Variants in CNOT6L observed in about 807,000 individuals in gnomAD.
The protein encoded by CNOT6L is CCR4-NOT transcription complex subunit 6 like.
A neutral mutation model predicts 64.0 loss-of-function variants in CNOT6L; 7 were observed. The observed-to-expected ratio is 0.11, with a 90% CI of 0.06 to 0.21. CNOT6L has a LOEUF of 0.21. Ranked by LOEUF, CNOT6L falls within the 10% of genes least tolerant of loss-of-function variation. CNOT6L has a pLI of 1.00. For missense variants in CNOT6L, 245 were observed against 669.0 expected, an observed-to-expected ratio of 0.37 and a Z score of 6.99; for synonymous variants, 193 against 243.4, an observed-to-expected ratio of 0.79 and a Z score of 1.93.
rs1721048607 is a variant in CNOT6L, at chr4:77,719,213, C to T, written c.*1218G>A. 2.0e-5 allele frequency: 3 copies of T among 152,570 alleles called. No homozygotes were observed. The highest frequency in any genetic ancestry group is 2.0e-4 in the Admixed American group (3 of 15,260). 9.5% of individuals were successfully genotyped at this position (152,570 alleles called of 1,614,324 possible). ...CCCCTCCTAGGCAAAAAAAAGATTC[C>T]AACATACCTAAAGGCATCAACAATT... On this transcript the variant is annotated 3_prime_UTR_variant, in exon 12 of 12. Transcript: ENST00000504123.
chr4:77,744,624 G>T, intron 7 of CNOT6L, 94 bp downstream of exon 7: 2 of 1,045,528 alleles, frequency 1.9e-6, no homozygotes, highest in South Asian at 2.3e-5. Context: ...TTGAGCTTTG[G>T]CTCTAAACAC....
At chr4:77,818,736 CCGAGGCA>C (rs926047286) in intron 1 of CNOT6L, among the ~76,000 whole-genome samples, 13 of 152,186 alleles carry the variant, frequency 8.5e-5, no homozygotes, top group Non-Finnish European at 1.6e-4. Context: ...CTGCCCAGGC[CCGAGGCA>C]GCGCCGTGGG....
At chr4:77,815,911 C>G (rs1733520116) in intron 1 of CNOT6L, among the ~76,000 whole-genome samples, 1 of 152,162 alleles carries the variant, frequency 6.6e-6, no homozygotes, top group African/African-American at 2.4e-5. Context: ...AAGTAAACAT[C>G]TGCACTGGAA....
At chr4:77,768,636 T>C (rs1230113672) in intron 4 of CNOT6L, among the ~76,000 whole-genome samples, 2 of 150,652 alleles carry the variant, frequency 1.3e-5, no homozygotes, top group African/African-American at 2.4e-5. Context: ...AATCATCAAA[T>C]AGAAAATAGG....
At chr4:77,721,732 A>G (rs1174871442) in intron 11 of CNOT6L, among the ~76,000 whole-genome samples, 1 of 152,074 alleles carries the variant, frequency 6.6e-6, no homozygotes. Flanking sequence ...GCCCTTTGGG[A>G]AGTGGGGGCA....
intron 5 of CNOT6L, among the ~76,000 whole-genome samples, chr4:77,753,712 T>G (rs1725123668): frequency 6.6e-6 from 1 of 151,744 alleles, no homozygotes; most frequent in South Asian, 2.1e-4. Context: ...AAATAAAATA[T>G]TAGCAAACTG....
At chr4:77,801,960 C>A (rs1042976848) in intron 1 of CNOT6L, among the ~76,000 whole-genome samples, 2 of 152,138 alleles carry the variant, frequency 1.3e-5, no homozygotes, top group Non-Finnish European at 1.5e-5. Flanking sequence ...ACAATGACTA[C>A]CATGTTGTAA....
Position 77,819,278 on chromosome 4 carries a change from T to C in CNOT6L, c.5+26A>G, listed in dbSNP as rs757971769. 2.9e-5 allele frequency: 46 copies of C among 1,613,404 alleles called. No individual in the cohort carries two copies. In the Middle Eastern group the frequency reaches 6.6e-4, roughly 23 times the overall value. ...CTCCTCTTCCCAACACTCTCGGTCCTACTCGGAGGCAAAAGAACACTCTAC... is the reference window on the plus strand; with the variant it reads ...CTCCTCTTCCCAACACTCTCGGTCCCACTCGGAGGCAAAAGAACACTCTAC... On this transcript the variant is annotated intron_variant, in intron 1 of 11. Coordinates refer to ENST00000504123, the MANE Select transcript of CNOT6L (RefSeq NM_144571.3).
At position 77,819,074 on chromosome 4, in the gene CNOT6L, A is replaced by C. The variant is rs775900249; in HGVS notation, c.5+230T>G. 2.7e-4 allele frequency: 197 copies of C among 720,442 alleles called. 1 individual carries two copies. Among genetic ancestry groups the C allele is most frequent in the South Asian group, 1.7e-3 (113 of 64,590 alleles). 44.6% of individuals were successfully genotyped at this position (720,442 alleles called of 1,614,324 possible). A position where few individuals can be genotyped will look rare whatever the true frequency, so the allele number is the denominator to read the frequency against. On this transcript the variant is annotated intron_variant, in intron 1 of 11. Coordinates refer to ENST00000504123, the MANE Select transcript of CNOT6L (RefSeq NM_144571.3). The stretch of plus-strand genomic sequence containing the variant: ...GACACACACACACACACACACACAC[A>C]CCCCGGAACCTTCGCCCGCCTCTGA...
chr4:77,791,271 G>A (rs951866467), intron 1 of CNOT6L, among the ~76,000 whole-genome samples: 1 of 152,056 alleles, frequency 6.6e-6, no homozygotes, highest in African/African-American at 2.4e-5. Flanking sequence ...GCCAGGCTCC[G>A]TCTCCAAATA....
At chr4:77,727,324 A>T (rs775846799) in intron 10 of CNOT6L, among the ~76,000 whole-genome samples, 12 of 152,120 alleles carry the variant, frequency 7.9e-5, no homozygotes, top group Non-Finnish European at 1.6e-4. Flanking sequence ...ACACTTTGAG[A>T]GGCCGAGGTG....
Position 77,819,074 on chromosome 4 carries a change from A to AC in CNOT6L, c.5+229dup, listed in dbSNP as rs1553900908. ...GACACACACACACACACACACACAC[A>AC]CCCCGGAACCTTCGCCCGCCTCTGA... On this transcript the variant is annotated intron_variant, in intron 1 of 11. Coordinates refer to ENST00000504123, the MANE Select transcript of CNOT6L (RefSeq NM_144571.3). 7 of 720,502 alleles carry AC rather than the reference A, an allele frequency of 9.7e-6. No individual in the cohort carries two copies. In the African/African-American group the frequency reaches 9.8e-5, roughly 10 times the overall value. 44.6% of individuals were successfully genotyped at this position (720,502 alleles called of 1,614,324 possible).
chr4:77,806,519 G>T (rs1212219630), intron 1 of CNOT6L, among the ~76,000 whole-genome samples: 2 of 152,022 alleles, frequency 1.3e-5, no homozygotes, highest in East Asian at 3.8e-4. Context: ...TGATAATTAT[G>T]ATATTCTAGA....
At chr4:77,789,784 C>T (rs1290233783) in intron 1 of CNOT6L, among the ~76,000 whole-genome samples, 2 of 151,806 alleles carry the variant, frequency 1.3e-5, no homozygotes, top group Non-Finnish European at 2.9e-5. Context: ...AACCCTGTCT[C>T]TACAAAAAAT....
chr4:77,761,011 C>A (rs974398088), intron 4 of CNOT6L, among the ~76,000 whole-genome samples: 3 of 151,436 alleles, frequency 2.0e-5, no homozygotes, highest in African/African-American at 7.3e-5. Flanking sequence ...CCACTCTGCC[C>A]AGCCAGGGAA....
At chr4:77,767,980 CAA>C (rs11455356) in intron 4 of CNOT6L, among the ~76,000 whole-genome samples, 4 of 87,116 alleles carry the variant, frequency 4.6e-5, no homozygotes, top group Admixed American at 1.3e-4. Context: ...ACTTTGTCCC[CAA>C]AAAAAAAAAA....
In CNOT6L at chr4:77,729,229, T is replaced by A; in HGVS notation, c.1025-148A>T. The A allele has an allele frequency of 4.7e-6, 3 of 640,070 alleles. No individual in the cohort carries two copies. In the Admixed American group the frequency reaches 8.7e-5, roughly 19 times the overall value. The allele number at this position is 640,070 out of a possible 1,614,324, so 39.6% of individuals were successfully genotyped here. On this transcript the variant is annotated intron_variant, in intron 9 of 11. Coordinates refer to ENST00000504123, the MANE Select transcript of CNOT6L (RefSeq NM_144571.3). ...CTTCCCTTTTATCTCATAAAGTAAT[T>A]CTTAGAAGCTAAAGGGCTGAGATTC...
chr4:77,762,121 G>A (rs970170187), intron 4 of CNOT6L, among the ~76,000 whole-genome samples: 3 of 152,150 alleles, frequency 2.0e-5, no homozygotes, highest in South Asian at 4.1e-4. Flanking sequence ...GAAAGACTCA[G>A]TATTAAGTCT....
rs1577909251 is a variant in CNOT6L, at chr4:77,717,021, GTTA to G, written c.*3407_*3409del. 1 of 152,432 alleles carries G rather than the reference GTTA, an allele frequency of 6.6e-6. No homozygotes were observed. Among genetic ancestry groups the G allele is most frequent in the African/African-American group, 2.4e-5 (1 of 41,378 alleles). 9.4% of individuals were successfully genotyped at this position (152,432 alleles called of 1,614,324 possible). On this transcript the variant is annotated 3_prime_UTR_variant, in exon 12 of 12. Coordinates refer to ENST00000504123, the MANE Select transcript of CNOT6L (RefSeq NM_144571.3). ...AAATGAAACAAAAATATTCAGCTAT[GTTA>G]TTATACAAAATTTTTTTTACATAAA...
Sources: allele counts gnomAD v4.1 joint callset (sites outside exome capture counted in the v4.1 genomes callset), GRCh38; gene constraint gnomAD v4.1.1; transcripts MANE v1.5; gene names NCBI Gene and HGNC (gene_info 2026-07-23, HGNC 2026-07-21).